FBXO21: variants seen among roughly 807,000 people sequenced by gnomAD.
FBXO21 encodes the protein F-box protein 21.
A neutral mutation model predicts 76.6 loss-of-function variants in FBXO21; 32 were observed. That is an observed-to-expected ratio of 0.42 (90% confidence interval 0.32 to 0.56). The LOEUF (loss-of-function observed/expected upper bound fraction) is 0.56. FBXO21 is among the 20% of genes least tolerant of loss of function. The pLI, the probability that FBXO21 is intolerant of heterozygous loss-of-function variation, is 0.16. For synonymous variants in FBXO21, 328 were observed against 311.5 expected (o/e 1.05, Z -0.56); for missense variants, 586 against 797.3 (o/e 0.73, Z 3.19).
intron 7 of FBXO21, among the ~76,000 whole-genome samples, chr12:117,170,994 A>G (rs905210399): frequency 1.3e-5 from 2 of 152,302 alleles, no homozygotes; most frequent in Middle Eastern, 3.4e-3. Flanking sequence ...TCAGAAACAC[A>G]TATCTGGAAC....
intron 9 of FBXO21, among the ~76,000 whole-genome samples, chr12:117,161,127 AG>A (rs1955971765): frequency 6.6e-6 from 1 of 152,152 alleles, no homozygotes; most frequent in Non-Finnish European, 1.5e-5. Context: ...GGGCAAGCAC[AG>A]GAACGACGGG....
At chr12:117,155,681 C>T in intron 11 of FBXO21, 110 bp downstream of exon 11, 2 of 1,264,572 alleles carry the variant, frequency 1.6e-6, no homozygotes, top group Admixed American at 2.3e-5. Context: ...GGGCGTCGGC[C>T]GCCTCTGAAG....
At chr12:117,179,764 T>G (rs1956210310) in intron 3 of FBXO21, among the ~76,000 whole-genome samples, 1 of 152,198 alleles carries the variant, frequency 6.6e-6, no homozygotes, top group African/African-American at 2.4e-5. Context: ...TACGAAGTGG[T>G]GATATTAAAA....
intron 5 of FBXO21, 126 bp downstream of exon 5, chr12:117,174,525 C>T: frequency 1.6e-6 from 2 of 1,246,124 alleles, no homozygotes; most frequent in Non-Finnish European, 2.3e-6. Context: ...ACCAGGTAAA[C>T]ACGTGGTCAC....
chr12:117,175,146 A>G (rs1956160823), intron 4 of FBXO21, among the ~76,000 whole-genome samples: 1 of 151,908 alleles, frequency 6.6e-6, no homozygotes, highest in African/African-American at 2.4e-5. Context: ...TAGCTGTTAT[A>G]GGTTCCAAAT....
chr12:117,174,650 C>G lies in FBXO21; in HGVS notation c.739+1G>C. On this transcript the variant is annotated splice_donor_variant, in intron 5 of 11. Transcript: ENST00000622495. LOFTEE classifies it high-confidence loss of function. ...CAGCTGGATCCAAAGCAATGCCACA[C>G]CTGCCTTGAAGGCCAAGCTGGGGTG... The G allele has an allele frequency of 6.2e-7, 1 of 1,613,966 alleles. No homozygotes were observed. Among genetic ancestry groups the G allele is most frequent in the Non-Finnish European group, 8.5e-7 (1 of 1,179,936 alleles).
intron 9 of FBXO21, among the ~76,000 whole-genome samples, chr12:117,165,217 C>T (rs560651065): frequency 7.2e-5 from 11 of 152,056 alleles, no homozygotes; most frequent in African/African-American, 2.7e-4. Context: ...CTGAGGGCCC[C>T]AGTGGTTGAG....
chr12:117,149,306 G>A (rs1955813147), intron 11 of FBXO21, among the ~76,000 whole-genome samples: 1 of 152,104 alleles, frequency 6.6e-6, no homozygotes, highest in Non-Finnish European at 1.5e-5. Flanking sequence ...GGCCATGTTT[G>A]GATTTTCTTG....
chr12:117,155,452 T>A (rs1462823789), intron 11 of FBXO21: 1 of 263,984 alleles, frequency 3.8e-6, no homozygotes, highest in Admixed American at 4.8e-5. Context: ...CAGGTGTTCA[T>A]CCGGTTCCCT....
chr12:117,147,255 G>C (rs867468385), intron 11 of FBXO21, among the ~76,000 whole-genome samples: 2 of 50,380 alleles, frequency 4.0e-5, no homozygotes, highest in African/African-American at 9.0e-5. Context: ...AAAAAAGAAA[G>C]AAAGAAAGAA....
Position 117,189,484 on chromosome 12 carries a change from G to C in FBXO21, c.240-122C>G, listed in dbSNP as rs1052471885. 15 of 994,556 alleles carry C rather than the reference G, an allele frequency of 1.5e-5. No individual in the cohort carries two copies. In the Admixed American group the frequency reaches 3.1e-4, roughly 21 times the overall value. 61.6% of individuals were successfully genotyped at this position (994,556 alleles called of 1,614,324 possible). ...CCAGTGGTAAGAGGGACCCCGGCGA[G>C]AGACCTAGTTCAAAACCCCACCAGC... On this transcript the variant is annotated intron_variant, in intron 1 of 11. Coordinates refer to ENST00000622495, the MANE Select transcript of FBXO21 (RefSeq NM_015002.3).
At chr12:117,177,822 C>T (rs1270068383) in intron 3 of FBXO21, among the ~76,000 whole-genome samples, 181 bp from the exon 4 acceptor site, 1 of 152,160 alleles carries the variant, frequency 6.6e-6, no homozygotes, top group Admixed American at 6.5e-5. Context: ...ATTAGTTGTA[C>T]TGAAATCTGA....
intron 11 of FBXO21, among the ~76,000 whole-genome samples, chr12:117,153,545 C>T (rs1955871663): frequency 6.6e-6 from 1 of 152,180 alleles, no homozygotes; most frequent in Admixed American, 6.5e-5. Flanking sequence ...TGGGAGTCAC[C>T]AGCACATCCA....
In FBXO21 at chr12:117,174,656, T is replaced by C. The variant is rs1956155532; in HGVS notation, c.734A>G (p.Lys245Arg). 1.2e-6 allele frequency: 2 copies of C among 1,614,136 alleles called. No homozygotes were observed. The highest frequency in any genetic ancestry group is 1.1e-5 in the South Asian group (1 of 91,048). ...GATCCAAAGCAATGCCACACCTGCC[T>C]TGAAGGCCAAGCTGGGGTGGCGACT... ...INSRHPSLAFKAGESSMIMEI... is the reference protein window; with the variant it reads ...INSRHPSLAFRAGESSMIMEI... The change falls in exon 5 of 12, where the codon AAG (lysine) becomes AGG (arginine). Residue 245 changes from lysine to arginine, a missense_variant. Lys to Arg is a conservative substitution (Grantham distance 26). Coordinates refer to ENST00000622495, the MANE Select transcript of FBXO21 (RefSeq NM_015002.3).
chr12:117,158,515 A>G (rs1955942402), intron 9 of FBXO21, among the ~76,000 whole-genome samples: 1 of 152,112 alleles, frequency 6.6e-6, no homozygotes, highest in African/African-American at 2.4e-5. Context: ...ACGAATTCAG[A>G]GGGGAAAAAA....
chr12:117,189,325 A>T lies in FBXO21; in HGVS notation c.277T>A (p.Tyr93Asn). The change falls in exon 2 of 12, where the codon TAC becomes AAC. Residue 93 changes from tyrosine (Y) to asparagine (N), a missense_variant. Coordinates refer to ENST00000622495, the MANE Select transcript of FBXO21 (RefSeq NM_015002.3). ...TTATACTCTTCCAACCAATTGACGTAGTCGGTGGGGCTGTAGTGTTTCATA... is the reference window on the plus strand; with the variant it reads ...TTATACTCTTCCAACCAATTGACGTTGTCGGTGGGGCTGTAGTGTTTCATA... The part of the protein sequence containing the change: ...SLMKHYSPTD[Y>N]VNWLEEYKVR... The T allele has an allele frequency of 6.2e-7, 1 of 1,614,172 alleles. No individual in the cohort carries two copies. The highest frequency in any genetic ancestry group is 8.5e-7 in the Non-Finnish European group (1 of 1,180,030).
At chr12:117,166,396 CT>C (rs1956054247) in intron 8 of FBXO21, among the ~76,000 whole-genome samples, 1 of 152,074 alleles carries the variant, frequency 6.6e-6, no homozygotes, top group South Asian at 2.1e-4. Flanking sequence ...ATGCACTGCT[CT>C]GGTGAGGATG....
At chr12:117,150,128 A>G (rs1239603116) in intron 11 of FBXO21, among the ~76,000 whole-genome samples, 2 of 152,244 alleles carry the variant, frequency 1.3e-5, no homozygotes, top group Non-Finnish European at 2.9e-5. Flanking sequence ...AAAGAAAAAT[A>G]AATGCCAATC....
intron 3 of FBXO21, among the ~76,000 whole-genome samples, chr12:117,180,639 T>C (rs1956218470): frequency 6.6e-6 from 1 of 152,058 alleles, no homozygotes. Context: ...CTTTTTTTTT[T>C]CTTTTGAGAC....
Sources: gnomAD v4.1 joint callset for allele counts (sites outside exome capture counted in the v4.1 genomes callset) on GRCh38, gnomAD v4.1.1 for gene constraint, MANE v1.5 for transcripts, NCBI Gene and HGNC (gene_info 2026-07-23, HGNC 2026-07-21) for gene names.